The following NKAIN2 variants were observed in gnomAD, a reference collection of about 807,000 sequenced individuals.
NKAIN2 encodes the protein sodium/potassium transporting ATPase interacting 2.
Under a neutral mutation model 32.6 loss-of-function variants are expected in NKAIN2, and 14 were observed. The observed-to-expected ratio is 0.43, with a 90% CI of 0.28 to 0.67. NKAIN2 has a LOEUF of 0.67. NKAIN2 is among the 30% of genes least tolerant of loss of function. The pLI, the probability that NKAIN2 is intolerant of heterozygous loss-of-function variation, is 0.17. For synonymous variants in NKAIN2, 80 were observed against 87.2 expected (o/e 0.92, Z 0.46); for missense variants, 198 against 258.3 (o/e 0.77, Z 1.60).
At chr6:123,966,459 T>C (rs761554544) in intron 1 of NKAIN2, among the ~76,000 whole-genome samples, 1 of 152,114 alleles carries the variant, frequency 6.6e-6, no homozygotes, top group Non-Finnish European at 1.5e-5. Flanking sequence ...TTTTATAGGA[T>C]TTTTGCTATA....
At chr6:124,625,933 G>GT (rs1004156750) in intron 3 of NKAIN2, among the ~76,000 whole-genome samples, 2 of 151,166 alleles carry the variant, frequency 1.3e-5, no homozygotes, top group South Asian at 2.1e-4. Context: ...ACCAGTTTTT[G>GT]TTTTTTTAAA....
At chr6:124,229,728 C>T (rs1413227971) in intron 1 of NKAIN2, among the ~76,000 whole-genome samples, 1 of 152,084 alleles carries the variant, frequency 6.6e-6, no homozygotes, top group African/African-American at 2.4e-5. Flanking sequence ...ATGGGAGTTT[C>T]CCTGCACAGG....
At chr6:124,392,936 T>C (rs1562151516) in intron 3 of NKAIN2, among the ~76,000 whole-genome samples, 1 of 152,110 alleles carries the variant, frequency 6.6e-6, no homozygotes, top group Non-Finnish European at 1.5e-5. Flanking sequence ...GCCCAGGATT[T>C]TGAGGCTGCT....
At chr6:124,648,978 T>G (rs1784273409) in intron 3 of NKAIN2, among the ~76,000 whole-genome samples, 1 of 152,108 alleles carries the variant, frequency 6.6e-6, no homozygotes, top group South Asian at 2.1e-4. Context: ...TTTTGTAGAA[T>G]GTAGTGAAAG....
At chr6:124,182,104 G>A (rs181924122) in intron 1 of NKAIN2, among the ~76,000 whole-genome samples, 1 of 152,152 alleles carries the variant, frequency 6.6e-6, no homozygotes, top group African/African-American at 2.4e-5. Flanking sequence ...AGGAGCAAAG[G>A]CATGTCTTAC....
chr6:124,607,442 G>T (rs1583510950), intron 3 of NKAIN2, among the ~76,000 whole-genome samples: 1 of 152,048 alleles, frequency 6.6e-6, no homozygotes, highest in African/African-American at 2.4e-5. Context: ...CCTTATTTGG[G>T]CATGATACAA....
At chr6:124,218,035 C>T (rs1328139647) in intron 1 of NKAIN2, among the ~76,000 whole-genome samples, 1 of 142,928 alleles carries the variant, frequency 7.0e-6, no homozygotes. Context: ...TCCAGAGTAA[C>T]AAAAGGAAAA....
chr6:124,203,932 G>T (rs780507673), intron 1 of NKAIN2, among the ~76,000 whole-genome samples: 1 of 151,778 alleles, frequency 6.6e-6, no homozygotes, highest in Non-Finnish European at 1.5e-5. Context: ...AAATGATTTC[G>T]CAGAAGGATT....
chr6:124,074,032 G>A (rs1783580590), intron 1 of NKAIN2, among the ~76,000 whole-genome samples: 1 of 152,114 alleles, frequency 6.6e-6, no homozygotes, highest in Admixed American at 6.6e-5. Flanking sequence ...ATTTATTACA[G>A]TGAAATGATG....
chr6:124,325,554 A>T (rs962150209), intron 2 of NKAIN2, among the ~76,000 whole-genome samples: 1 of 152,176 alleles, frequency 6.6e-6, no homozygotes, highest in East Asian at 1.9e-4. Context: ...CATAAAAAAT[A>T]ATACAATAAA....
chr6:124,259,789 C>T (rs1432779293), intron 1 of NKAIN2, among the ~76,000 whole-genome samples: 2 of 152,104 alleles, frequency 1.3e-5, no homozygotes, highest in Non-Finnish European at 2.9e-5. Context: ...TATCTACACC[C>T]GTGCTGCAGG....
intron 3 of NKAIN2, among the ~76,000 whole-genome samples, chr6:124,558,971 A>AACAG (rs1305267929): frequency 1.6e-4 from 25 of 151,822 alleles, no homozygotes; most frequent in Admixed American, 8.5e-4. Flanking sequence ...CAAACAAACA[A>AACAG]ACAAAAGAAA....
At chr6:124,116,557 A>G (rs1785627482) in intron 1 of NKAIN2, among the ~76,000 whole-genome samples, 1 of 152,126 alleles carries the variant, frequency 6.6e-6, no homozygotes, top group South Asian at 2.1e-4. Flanking sequence ...AAAAACTTGG[A>G]TGCAATAATA....
intron 1 of NKAIN2, among the ~76,000 whole-genome samples, chr6:124,118,250 A>G (rs888987571): frequency 6.6e-6 from 1 of 152,178 alleles, no homozygotes; most frequent in Non-Finnish European, 1.5e-5. Context: ...GTATGGCTAA[A>G]AATATGCACA....
chr6:124,281,955 G>A (rs1047837976), intron 1 of NKAIN2, among the ~76,000 whole-genome samples: 1 of 152,078 alleles, frequency 6.6e-6, no homozygotes, highest in Non-Finnish European at 1.5e-5. Flanking sequence ...TTGAATCTTG[G>A]TATGGAGCAT....
intron 3 of NKAIN2, among the ~76,000 whole-genome samples, chr6:124,373,839 T>C (rs1178594587): frequency 6.6e-6 from 1 of 152,096 alleles, no homozygotes; most frequent in Non-Finnish European, 1.5e-5. Flanking sequence ...GAGAGCTTTA[T>C]TAAATGAGGT....
At chr6:124,231,267 C>G (rs1792445211) in intron 1 of NKAIN2, among the ~76,000 whole-genome samples, 1 of 152,216 alleles carries the variant, frequency 6.6e-6, no homozygotes, top group Non-Finnish European at 1.5e-5. Flanking sequence ...CCCATTGTAT[C>G]TAGGAAGTAA....
At chr6:123,954,347 T>C (rs1777468771) in intron 1 of NKAIN2, among the ~76,000 whole-genome samples, 1 of 152,186 alleles carries the variant, frequency 6.6e-6, no homozygotes, top group Non-Finnish European at 1.5e-5. Flanking sequence ...CATCAGGGCC[T>C]AGGGGCTTTC....
intron 2 of NKAIN2, among the ~76,000 whole-genome samples, chr6:124,342,165 G>A (rs370456385): frequency 1.3e-5 from 2 of 152,128 alleles, no homozygotes; most frequent in African/African-American, 2.4e-5. Context: ...ACTTTGGGAG[G>A]CCAAGGCAGG....
Sources: allele counts gnomAD v4.1 joint callset (sites outside exome capture counted in the v4.1 genomes callset), GRCh38; gene constraint gnomAD v4.1.1; transcripts MANE v1.5; gene names NCBI Gene and HGNC (gene_info 2026-07-23, HGNC 2026-07-21).